PITPNC1: variants seen among roughly 807,000 people sequenced by gnomAD.
PITPNC1 encodes the protein phosphatidylinositol transfer protein cytoplasmic 1, also known as cytoplasmic phosphatidylinositol transfer protein 1.
In PITPNC1, 18 loss-of-function variants were observed where a neutral mutation model predicts 44.7. The observed-to-expected ratio is 0.40, with a 90% confidence interval of 0.28 to 0.60. The LOEUF (loss-of-function observed/expected upper bound fraction) is 0.60, where lower values mean the gene tolerates loss of function less well. PITPNC1 is among the 20% of genes least tolerant of loss of function. The pLI is 0.39. For missense variants in PITPNC1, 290 were observed against 418.4 expected, an observed-to-expected ratio of 0.69 and a Z score of 2.68; for synonymous variants, 141 against 149.6, an observed-to-expected ratio of 0.94 and a Z score of 0.42.
chr17:67,416,862 G>T (rs965327682), intron 1 of PITPNC1, among the ~76,000 whole-genome samples: 3 of 151,762 alleles, frequency 2.0e-5, no homozygotes, highest in African/African-American at 7.3e-5. Context: ...GCCCAGGCTG[G>T]AGTGCAATGG....
intron 2 of PITPNC1, among the ~76,000 whole-genome samples, chr17:67,550,990 G>A (rs937498132): frequency 2.0e-5 from 3 of 152,182 alleles, no homozygotes; most frequent in African/African-American, 4.8e-5. Flanking sequence ...GAACCTGGGA[G>A]GCGGAGCTTG....
At chr17:67,487,903 C>T (rs561457411) in intron 1 of PITPNC1, among the ~76,000 whole-genome samples, 3 of 152,164 alleles carry the variant, frequency 2.0e-5, no homozygotes, top group Admixed American at 1.3e-4. Flanking sequence ...AGGATCATCA[C>T]GGACTGCTGA....
At chr17:67,472,444 G>A (rs1008790119) in intron 1 of PITPNC1, among the ~76,000 whole-genome samples, 3 of 148,400 alleles carry the variant, frequency 2.0e-5, no homozygotes, top group South Asian at 2.2e-4. Context: ...TCAGGAGATC[G>A]AGACCATCCT....
chr17:67,678,228 A>AAT (rs2042639400), intron 8 of PITPNC1, among the ~76,000 whole-genome samples: 1 of 151,456 alleles, frequency 6.6e-6, no homozygotes, highest in South Asian at 2.1e-4. Context: ...TAAAAAAAAA[A>AAT]AAAGAATTCT....
In PITPNC1 at chr17:67,687,189, G is replaced by A. The variant is rs778738692; in HGVS notation, c.683-5383G>A. The A allele has an allele frequency of 2.2e-5, 32 of 1,477,656 alleles. No individual in the cohort carries two copies. The highest frequency in any genetic ancestry group is 4.5e-5 in the East Asian group (2 of 44,218). The allele number at this position is 1,477,656 out of a possible 1,614,324, so 91.5% of individuals were successfully genotyped here. On this transcript the variant is annotated intron_variant, in intron 8 of 8. Coordinates refer to ENST00000581322, the MANE Select transcript of PITPNC1 (RefSeq NM_012417.4). The stretch of plus-strand genomic sequence containing the variant: ...GAGAGTCATGCCCAAACAAGTGTAC[G>A]TAGAATTTTTAAAACATGTTGCCCA...
chr17:67,432,106 T>C (rs992335738), intron 1 of PITPNC1, among the ~76,000 whole-genome samples: 3 of 152,204 alleles, frequency 2.0e-5, no homozygotes, highest in Non-Finnish European at 2.9e-5. Context: ...CTAACATATT[T>C]ATAAGCGTGC....
chr17:67,397,749 T>C (rs1000070955), intron 1 of PITPNC1, among the ~76,000 whole-genome samples: 3 of 152,148 alleles, frequency 2.0e-5, no homozygotes, highest in African/African-American at 2.4e-5. Context: ...TTGGATCTTT[T>C]TGAATTGCGA....
At chr17:67,411,095 A>T (rs952585237) in intron 1 of PITPNC1, among the ~76,000 whole-genome samples, 2 of 151,770 alleles carry the variant, frequency 1.3e-5, no homozygotes, top group Non-Finnish European at 2.9e-5. Flanking sequence ...AAAAAAAAAA[A>T]AAATAGAGCA....
chr17:67,529,443 G>A (rs554057458), intron 1 of PITPNC1, among the ~76,000 whole-genome samples: 5 of 152,324 alleles, frequency 3.3e-5, no homozygotes, highest in African/African-American at 1.2e-4. Context: ...CAGGATCGGT[G>A]CTTTTGTTTA....
chr17:67,533,367 C>T (rs766340251), intron 2 of PITPNC1, among the ~76,000 whole-genome samples: 5 of 152,178 alleles, frequency 3.3e-5, no homozygotes, highest in Non-Finnish European at 5.9e-5. Context: ...GAGGAGCTTT[C>T]GGCTCATCTT....
intron 5 of PITPNC1, among the ~76,000 whole-genome samples, chr17:67,625,275 C>A (rs1298241900): frequency 6.6e-6 from 1 of 152,188 alleles, no homozygotes; most frequent in African/African-American, 2.4e-5. Context: ...TCTCAGGAGA[C>A]AAATTCAGCC....
chr17:67,413,544 C>G (rs527636965), intron 1 of PITPNC1, among the ~76,000 whole-genome samples: 5 of 151,968 alleles, frequency 3.3e-5, no homozygotes, highest in Admixed American at 6.6e-5. Context: ...CTGCTGTGCC[C>G]GGGCCCTGAG....
At chr17:67,390,462 C>T (rs2038121809) in intron 1 of PITPNC1, among the ~76,000 whole-genome samples, 1 of 152,164 alleles carries the variant, frequency 6.6e-6, no homozygotes, top group African/African-American at 2.4e-5. Flanking sequence ...AGGTGCATAT[C>T]TCTGCTTTCC....
At chr17:67,599,305 G>A (rs1037310233) in intron 5 of PITPNC1, among the ~76,000 whole-genome samples, 3 of 151,840 alleles carry the variant, frequency 2.0e-5, no homozygotes, top group South Asian at 2.1e-4. Flanking sequence ...TGAAATAACC[G>A]GTAGGGAATT....
intron 1 of PITPNC1, among the ~76,000 whole-genome samples, chr17:67,438,863 C>T (rs969451945): frequency 6.6e-6 from 1 of 152,226 alleles, no homozygotes; most frequent in Non-Finnish European, 1.5e-5. Flanking sequence ...AGGCCATGCG[C>T]ATTTAATTTG....
intron 1 of PITPNC1, among the ~76,000 whole-genome samples, chr17:67,417,076 A>G (rs928488287): frequency 3.3e-5 from 5 of 151,872 alleles, no homozygotes; most frequent in African/African-American, 1.2e-4. Flanking sequence ...AGCCTCCCAA[A>G]GTGCTGGGAT....
intron 1 of PITPNC1, among the ~76,000 whole-genome samples, chr17:67,446,856 G>A (rs966910443): frequency 4.0e-5 from 6 of 151,778 alleles, no homozygotes; most frequent in Non-Finnish European, 7.4e-5. Flanking sequence ...TTGGGAGGCC[G>A]AGGTGGGTGG....
chr17:67,595,116 G>T (rs553472362), intron 5 of PITPNC1, among the ~76,000 whole-genome samples: 1 of 152,288 alleles, frequency 6.6e-6, no homozygotes, highest in African/African-American at 2.4e-5. Flanking sequence ...TTTTGCATAG[G>T]ATATTGAGAT....
chr17:67,402,496 C>A (rs1220578410), intron 1 of PITPNC1, among the ~76,000 whole-genome samples: 3 of 152,042 alleles, frequency 2.0e-5, no homozygotes, highest in Admixed American at 2.0e-4. Context: ...CTTCTCCACC[C>A]CCCATCCCCC....
Sources: allele counts gnomAD v4.1 joint callset (sites outside exome capture counted in the v4.1 genomes callset), GRCh38; gene constraint gnomAD v4.1.1; transcripts MANE v1.5; gene names NCBI Gene and HGNC (gene_info 2026-07-23, HGNC 2026-07-21).